Variants in SPAG16 observed in about 807,000 individuals in gnomAD.
The protein encoded by SPAG16 is sperm associated antigen 16.
In SPAG16, 86 loss-of-function variants were observed where a neutral mutation model predicts 80.4. The observed-to-expected ratio is 1.07, with a 90% CI of 0.90 to 1.28. The LOEUF (loss-of-function observed/expected upper bound fraction) is 1.28. Ranked by LOEUF, SPAG16 falls within the 50% of genes most tolerant of loss-of-function variation. The pLI is 0.00. For synonymous variants in SPAG16, 294 were observed against 265.9 expected, an observed-to-expected ratio of 1.11 and a Z score of -1.03; for missense variants, 870 against 765.3, an observed-to-expected ratio of 1.14 and a Z score of -1.61.
In SPAG16 at chr2:213,572,995, G is replaced by A. The variant is rs113358364; in HGVS notation, c.1070+82905G>A. On this transcript the variant is annotated intron_variant, in intron 10 of 15. Coordinates refer to ENST00000331683, the MANE Select transcript of SPAG16 (RefSeq NM_024532.5). Reference sequence around the variant, plus strand: ...CGCAATATTCGGGTGGGAGTGACCCGATTTTCCAGGTGCGTCCATCACCCC... The same window carrying A: ...CGCAATATTCGGGTGGGAGTGACCCAATTTTCCAGGTGCGTCCATCACCCC... Among the ~76,000 whole-genome samples the A allele has an allele frequency of 9.2e-5, 14 of 152,242 alleles. No individual in the cohort carries two copies. The East Asian group carries it at 2.5e-3, about 27-fold the overall frequency.
chr2:214,165,920 G>A (rs374784179), intron 15 of SPAG16, among the ~76,000 whole-genome samples: 1 of 151,918 alleles, frequency 6.6e-6, no homozygotes, highest in South Asian at 2.1e-4. Context: ...AAAATAAAGA[G>A]GGCATTGTTC....
At chr2:213,739,394 G>C (rs1192787660) in intron 10 of SPAG16, among the ~76,000 whole-genome samples, 1 of 152,078 alleles carries the variant, frequency 6.6e-6, no homozygotes, top group Non-Finnish European at 1.5e-5. Flanking sequence ...ATGCACATCT[G>C]TTACCTTTGA....
chr2:213,974,798 G>A (rs1032177947), intron 12 of SPAG16, among the ~76,000 whole-genome samples: 11 of 128,984 alleles, frequency 8.5e-5, no homozygotes, highest in Admixed American at 3.1e-4. Flanking sequence ...CTATAAATTA[G>A]GGAACTTGGC....
chr2:213,317,840 C>A, intron 5 of SPAG16: 2 of 517,964 alleles, frequency 3.9e-6, no homozygotes, highest in South Asian at 8.1e-5. Context: ...ATGTATCCCT[C>A]TGTTGGGGGC....
intron 9 of SPAG16, among the ~76,000 whole-genome samples, chr2:213,410,100 A>G (rs1460655939): frequency 1.3e-5 from 2 of 152,104 alleles, no homozygotes; most frequent in Non-Finnish European, 2.9e-5. Flanking sequence ...GGATGGAATC[A>G]TCACACCCGA....
At chr2:213,837,830 G>C (rs2074167283) in intron 10 of SPAG16, among the ~76,000 whole-genome samples, 1 of 152,168 alleles carries the variant, frequency 6.6e-6, no homozygotes. Flanking sequence ...AGGTAGACGA[G>C]TCTAGGAGGT....
chr2:213,762,663 C>T (rs73986938), intron 10 of SPAG16, among the ~76,000 whole-genome samples: 1,763 of 152,212 alleles, frequency 0.012, 43 homozygotes, highest in African/African-American at 0.04. Flanking sequence ...TTAACAAAGA[C>T]CTGAAACTAT....
At chr2:213,868,667 C>T (rs541024561) in intron 11 of SPAG16, among the ~76,000 whole-genome samples, 4 of 152,290 alleles carry the variant, frequency 2.6e-5, no homozygotes, top group African/African-American at 9.6e-5. Flanking sequence ...GCATGTAACT[C>T]CTCACATATC....
At chr2:214,363,217 T>G (rs1416969639) in intron 15 of SPAG16, among the ~76,000 whole-genome samples, 1 of 151,980 alleles carries the variant, frequency 6.6e-6, no homozygotes, top group African/African-American at 2.4e-5. Context: ...AGTCTCGATG[T>G]ACTACCTGTA....
chr2:213,651,982 A>G (rs1400916237), intron 10 of SPAG16, among the ~76,000 whole-genome samples: 3 of 152,160 alleles, frequency 2.0e-5, no homozygotes, highest in Non-Finnish European at 2.9e-5. Context: ...TCTTACGTGC[A>G]TGTAATGTAC....
chr2:214,272,852 C>T (rs80145040), intron 15 of SPAG16, among the ~76,000 whole-genome samples: 62,857 of 151,808 alleles, frequency 0.41, 15,070 homozygotes, highest in South Asian at 0.56. Context: ...TTCTAGATCC[C>T]TGAGGAATCA....
intron 10 of SPAG16, among the ~76,000 whole-genome samples, chr2:213,791,344 G>A (rs2070690041): frequency 6.6e-6 from 1 of 151,652 alleles, no homozygotes; most frequent in Non-Finnish European, 1.5e-5. Context: ...GAATCATGAG[G>A]CATTTTTGGT....
chr2:213,939,087 G>A (rs1575600977), intron 12 of SPAG16, among the ~76,000 whole-genome samples: 3 of 152,080 alleles, frequency 2.0e-5, no homozygotes, highest in Non-Finnish European at 2.9e-5. Flanking sequence ...CATGAGGGAA[G>A]AAATACCTCC....
intron 10 of SPAG16, among the ~76,000 whole-genome samples, chr2:213,747,878 T>A (rs2067902587): frequency 6.6e-6 from 1 of 152,232 alleles, no homozygotes; most frequent in Admixed American, 6.5e-5. Context: ...CATCTGATGA[T>A]CAAAATCTTG....
chr2:214,302,345 C>T (rs1302160631), intron 15 of SPAG16, among the ~76,000 whole-genome samples: 1 of 152,168 alleles, frequency 6.6e-6, no homozygotes, highest in Non-Finnish European at 1.5e-5. Context: ...TGATTTCTGC[C>T]TCATTGATAA....
At chr2:213,371,804 A>G (rs2066652293) in intron 8 of SPAG16, among the ~76,000 whole-genome samples, 1 of 152,198 alleles carries the variant, frequency 6.6e-6, no homozygotes, top group Non-Finnish European at 1.5e-5. Flanking sequence ...TTTGACTACC[A>G]AAGTGACGTT....
chr2:213,918,850 G>A (rs2078085694), intron 11 of SPAG16, among the ~76,000 whole-genome samples: 1 of 151,738 alleles, frequency 6.6e-6, no homozygotes, highest in African/African-American at 2.4e-5. Flanking sequence ...TTTTTCCTGG[G>A]TTCAGTCTTG....
chr2:214,223,709 G>A (rs2058636289), intron 15 of SPAG16, among the ~76,000 whole-genome samples: 2 of 152,046 alleles, frequency 1.3e-5, no homozygotes, highest in Admixed American at 6.6e-5. Flanking sequence ...TTTATTAAGT[G>A]CAAAGTTTAA....
At chr2:213,514,292 A>G (rs1185972721) in intron 10 of SPAG16, among the ~76,000 whole-genome samples, 2 of 152,152 alleles carry the variant, frequency 1.3e-5, no homozygotes, top group Non-Finnish European at 2.9e-5. Context: ...TGCTCCATGC[A>G]GTTGACTTTA....
Sources: allele counts gnomAD v4.1 joint callset (sites outside exome capture counted in the v4.1 genomes callset), GRCh38; gene constraint gnomAD v4.1.1; transcripts MANE v1.5; gene names NCBI Gene and HGNC (gene_info 2026-07-23, HGNC 2026-07-21).